Variants in CHD7 observed in about 807,000 individuals in gnomAD.
CHD7 encodes ATP-dependent chromatin remodeler CHD7.
CHD7 carries 24 observed loss-of-function variants against 307.3 expected under a neutral mutation model. The ratio of observed to expected loss-of-function variants is 0.08; its 90% CI spans 0.06 to 0.11. The LOEUF is 0.11. CHD7 is among the 10% of genes least tolerant of loss of function. The probability of loss-of-function intolerance (pLI) is 1.00; values close to 1 mark genes in which losing one functional copy is unlikely to be tolerated. For missense variants in CHD7, 3,106 were observed against 3,727.1 expected (o/e 0.83, Z 4.34); for synonymous variants, 1,363 against 1,349.9 (o/e 1.01, Z -0.21).
At chr8:60,837,181 G>T (rs1204105922) in intron 17 of CHD7, among the ~76,000 whole-genome samples, 169 bp downstream of exon 17, 1 of 152,166 alleles carries the variant, frequency 6.6e-6, no homozygotes, top group East Asian at 1.9e-4. Flanking sequence ...AATGTGAGAA[G>T]AAATTTTTTA....
chr8:60,780,896 C>A, intron 2 of CHD7, 104 bp from the exon 3 acceptor site: 1 of 1,322,776 alleles, frequency 7.6e-7, no homozygotes, highest in Non-Finnish European at 9.7e-7. Flanking sequence ...TATTTGCTAC[C>A]TGAGTATAGA....
chr8:60,781,229 A>G lies in CHD7; in HGVS notation c.1895A>G (p.Asn632Ser), dbSNP rs1167562186. The change falls in exon 3 of 38, where the codon AAC becomes AGC. Residue 632 changes from asparagine (N) to serine (S), a missense_variant. Physicochemically the swap from Asn to Ser is conservative, Grantham distance 46. Around this residue, in one of 10 missense-constraint regions of CHD7, gnomAD observed 998 missense variants for 1,004.5 expected, o/e 0.99. Coordinates refer to ENST00000423902, the MANE Select transcript of CHD7 (RefSeq NM_017780.4). Reference protein sequence around the residue: ...GGVDNQELNRNSLDGSQEEKK... With the variant: ...GGVDNQELNRSSLDGSQEEKK... ...GTAGATAACCAAGAACTAAATAGGA[A>G]CTCACTGGATGGGTCCCAAGAAGAA... is the stretch of plus-strand genomic sequence containing the variant. The G allele has an allele frequency of 6.3e-7, 1 of 1,589,102 alleles. No individual in the cohort carries two copies. The highest frequency in any genetic ancestry group is 8.6e-7 in the Non-Finnish European group (1 of 1,167,274).
chr8:60,694,778 G>T (rs1344981723), intron 1 of CHD7, among the ~76,000 whole-genome samples: 5 of 152,240 alleles, frequency 3.3e-5, no homozygotes, highest in Non-Finnish European at 7.3e-5. Flanking sequence ...ACTCAGGGAA[G>T]ATCAGTTAGC....
In CHD7 at chr8:60,781,368, A is replaced by G. The variant is rs1233226275; in HGVS notation, c.2034A>G (p.Lys678=). Residue 678 remains lysine, a synonymous_variant, in exon 3 of 38, where the codon AAA becomes AAG. Transcript: ENST00000423902. The part of the protein sequence containing the change: ...PKTPKAPKIP[K]EPKEKKAKTA... ...CCCCGAAAGCCCCTAAGATTCCCAA[A>G]GAGCCAAAGGAAAAGAAAGCAAAAA... is the stretch of plus-strand genomic sequence containing the variant. 6 of 1,551,576 alleles carry G rather than the reference A, an allele frequency of 3.9e-6. No homozygotes were observed. Among genetic ancestry groups the G allele is most frequent in the Non-Finnish European group, 4.3e-6 (5 of 1,156,090 alleles).
chr8:60,810,654 A>C (rs1225805450), intron 7 of CHD7, among the ~76,000 whole-genome samples: 1 of 152,076 alleles, frequency 6.6e-6, no homozygotes, highest in African/African-American at 2.4e-5. Context: ...AAGTGATTTC[A>C]GAGTTACTAG....
At chr8:60,744,673 T>C (rs977306491) in intron 2 of CHD7, among the ~76,000 whole-genome samples, 2 of 151,524 alleles carry the variant, frequency 1.3e-5, no homozygotes, top group African/African-American at 2.4e-5. Flanking sequence ...GCCAACATGG[T>C]GAAACCCCGT....
chr8:60,706,840 T>C (rs2150517006), intron 1 of CHD7, among the ~76,000 whole-genome samples: 1 of 152,202 alleles, frequency 6.6e-6, no homozygotes, highest in African/African-American at 2.4e-5. Flanking sequence ...TTTATTATAC[T>C]TTAAGTTCTA....
At chr8:60,819,490 A>T (rs1050799404) in intron 8 of CHD7, among the ~76,000 whole-genome samples, 13 of 152,214 alleles carry the variant, frequency 8.5e-5, no homozygotes, top group South Asian at 2.1e-4. Context: ...TTGGTTGACA[A>T]ATACTACCAA....
chr8:60,718,001 C>T (rs1807697970), intron 1 of CHD7, among the ~76,000 whole-genome samples: 1 of 152,000 alleles, frequency 6.6e-6, no homozygotes, highest in Admixed American at 6.6e-5. Context: ...CAGGCAGGTC[C>T]TTCAGGGGAT....
In CHD7 at chr8:60,761,758, G is replaced by A. The variant is rs116154946; in HGVS notation, c.1665+18661G>A. ...CTAAATGGCTAAGTGAATGTTTTTT[G>A]GAGTGCTACCAGACCCTGCCCTTCC... is the stretch of plus-strand genomic sequence containing the variant. On this transcript the variant is annotated intron_variant, in intron 2 of 37. Transcript: ENST00000423902. Among the ~76,000 whole-genome samples, 1,088 of 151,896 alleles carry A rather than the reference G, an allele frequency of 7.2e-3. 14 individuals carry two copies. Among genetic ancestry groups the A allele is most frequent in the African/African-American group, 0.024 (1,007 of 41,392 alleles).
At chr8:60,850,711 GTATTGTGTC>G in intron 26 of CHD7, 89 bp downstream of exon 26, 1 of 1,321,534 alleles carries the variant, frequency 7.6e-7, no homozygotes, top group Middle Eastern at 1.8e-4. Flanking sequence ...AGTACACACT[GTATTGTGTC>G]TGATTTGAAG....
intron 1 of CHD7, among the ~76,000 whole-genome samples, chr8:60,699,649 G>A (rs565204052): frequency 6.6e-6 from 1 of 152,066 alleles, no homozygotes; most frequent in Non-Finnish European, 1.5e-5. Flanking sequence ...CTTGGATGAG[G>A]TGGGAGAAGC....
chr8:60,828,136 G>A (rs1804339118), intron 13 of CHD7, among the ~76,000 whole-genome samples: 1 of 152,076 alleles, frequency 6.6e-6, no homozygotes, highest in South Asian at 2.1e-4. Context: ...AGTGATTGTG[G>A]TATTTACAAC....
At chr8:60,850,892 A>T in intron 26 of CHD7, 140 bp from the exon 27 acceptor site, 2 of 704,874 alleles carry the variant, frequency 2.8e-6, no homozygotes, top group South Asian at 3.9e-5. Flanking sequence ...GCATGTTTTA[A>T]ATACTGATAG....
chr8:60,830,837 A>G (rs1314322135), intron 15 of CHD7, among the ~76,000 whole-genome samples: 2 of 152,266 alleles, frequency 1.3e-5, no homozygotes, highest in East Asian at 3.9e-4. Flanking sequence ...AAGAGGCGTT[A>G]GTGTTCCAGG....
intron 1 of CHD7, among the ~76,000 whole-genome samples, chr8:60,688,328 A>T (rs979808971): frequency 6.6e-6 from 1 of 152,244 alleles, no homozygotes; most frequent in Non-Finnish European, 1.5e-5. Context: ...GGTATAGCAT[A>T]TGGCATATTC....
rs1158462298 is a variant in CHD7 at position 60,865,078 on chromosome 8, A to T, written c.8139A>T (p.Gly2713=). 6.2e-7 allele frequency: 1 copy of T among 1,609,842 alleles called. No homozygotes were observed. The highest frequency in any genetic ancestry group is 1.3e-5 in the African/African-American group (1 of 74,870). Residue 2713 remains glycine (G), a synonymous_variant, in exon 38 of 38, where the codon GGA becomes GGT. Transcript: ENST00000423902. This position sits in a 1 kb window ranked among gnomAD's most constrained non-coding sequence, Gnocchi z 4.3. ...CTGGGCCTGTAGTGCGGGGAGAGGGAGCGAGCAGAAGAGGAAGAAGGCCCA... is the reference window on the plus strand; with the variant it reads ...CTGGGCCTGTAGTGCGGGGAGAGGGTGCGAGCAGAAGAGGAAGAAGGCCCA... The part of the protein sequence containing the change: ...LLTGPVVRGE[G]ASRRGRRPKS...
chr8:60,704,365 A>G (rs1806914694), intron 1 of CHD7, among the ~76,000 whole-genome samples: 1 of 152,114 alleles, frequency 6.6e-6, no homozygotes, highest in Non-Finnish European at 1.5e-5. Flanking sequence ...ATTGCTTGAA[A>G]AAAAGGAGCA....
chr8:60,688,714 G>A (rs1305099166), intron 1 of CHD7, among the ~76,000 whole-genome samples: 1 of 152,194 alleles, frequency 6.6e-6, no homozygotes, highest in Non-Finnish European at 1.5e-5. Context: ...TAGTGAAACA[G>A]TCATTTCTTC....
Sources: allele counts gnomAD v4.1 joint callset (sites outside exome capture counted in the v4.1 genomes callset), GRCh38; gene constraint gnomAD v4.1.1; regional missense constraint gnomAD v4.1.1; non-coding constraint Gnocchi (gnomAD v3.1); transcripts MANE v1.5; gene names NCBI Gene and HGNC (gene_info 2026-07-23, HGNC 2026-07-21).